The following LDAH variants were observed in gnomAD, a reference collection of about 807,000 sequenced individuals.
LDAH encodes the protein lipid droplet associated hydrolase.
LDAH carries 26 observed loss-of-function variants against 29.6 expected under a neutral mutation model. The observed-to-expected ratio is 0.88, with a 90% CI of 0.64 to 1.22. The LOEUF (loss-of-function observed/expected upper bound fraction) is 1.22. Ranked by LOEUF, LDAH falls within the 50% of genes most tolerant of loss-of-function variation. The probability of loss-of-function intolerance (pLI) is 0.00; values close to 1 mark genes in which losing one functional copy is unlikely to be tolerated. For synonymous variants in LDAH, 117 were observed against 133.0 expected (o/e 0.88, Z 0.83); for missense variants, 344 against 387.3 (o/e 0.89, Z 0.94).
intron 6 of LDAH, among the ~76,000 whole-genome samples, chr2:20,689,663 A>G (rs1230094375): frequency 6.6e-6 from 1 of 152,196 alleles, no homozygotes; most frequent in Non-Finnish European, 1.5e-5. Context: ...GCTACTCCCT[A>G]TATTTACCAC....
At chr2:20,749,537 A>G (rs1441987592) in intron 4 of LDAH, among the ~76,000 whole-genome samples, 1 of 152,202 alleles carries the variant, frequency 6.6e-6, no homozygotes, top group African/African-American at 2.4e-5. Flanking sequence ...AGAGGCATGT[A>G]TAGGGCACAC....
At chr2:20,749,016 A>C (rs576490970) in intron 4 of LDAH, among the ~76,000 whole-genome samples, 2 of 152,274 alleles carry the variant, frequency 1.3e-5, no homozygotes, top group African/African-American at 4.8e-5. Flanking sequence ...CATTCCTTAG[A>C]TCTACTGGTT....
At chr2:20,818,027 C>A (rs1672974553) in intron 1 of LDAH, among the ~76,000 whole-genome samples, 1 of 152,134 alleles carries the variant, frequency 6.6e-6, no homozygotes, top group African/African-American at 2.4e-5. Context: ...TGGAATAATT[C>A]TTTATCTTGA....
At chr2:20,783,981 G>A (rs769162725) in intron 3 of LDAH, among the ~76,000 whole-genome samples, 1 of 152,174 alleles carries the variant, frequency 6.6e-6, no homozygotes, top group Non-Finnish European at 1.5e-5. Flanking sequence ...CCAAAGTGCT[G>A]GAATTACGGG....
At chr2:20,723,880 G>C (rs1665835261) in intron 5 of LDAH, among the ~76,000 whole-genome samples, 1 of 152,056 alleles carries the variant, frequency 6.6e-6, no homozygotes, top group South Asian at 2.1e-4. Context: ...AGAATGATTT[G>C]GAAGAATGTT....
chr2:20,793,468 A>T (rs909355002), intron 2 of LDAH, among the ~76,000 whole-genome samples: 4 of 152,206 alleles, frequency 2.6e-5, no homozygotes, highest in Non-Finnish European at 5.9e-5. Flanking sequence ...GCTCTTGAAG[A>T]AATGGAAGAC....
At chr2:20,689,140 C>T (rs1339626597) in intron 6 of LDAH, among the ~76,000 whole-genome samples, 1 of 152,070 alleles carries the variant, frequency 6.6e-6, no homozygotes, top group African/African-American at 2.4e-5. Flanking sequence ...TTTCCAGCTT[C>T]ATCCATGTCC....
At position 20,753,486 on chromosome 2, in the gene LDAH, C is replaced by T. The variant is rs140968547; in HGVS notation, c.469-13281G>A. ...GTAGCTATCTGGATTTTACAACATACAAAATAAATTCAAGAAGTTGGCTTA... is the reference window on the plus strand; with the variant it reads ...GTAGCTATCTGGATTTTACAACATATAAAATAAATTCAAGAAGTTGGCTTA... On this transcript the variant is annotated intron_variant, in intron 4 of 6. Transcript: ENST00000237822. Among the ~76,000 whole-genome samples the T allele has an allele frequency of 3.7e-3, 564 of 152,286 alleles. 1 individual carries two copies. The highest frequency in any genetic ancestry group is 0.017 in the Middle Eastern group (5 of 294).
At chr2:20,719,503 G>GA (rs1367866882) in intron 5 of LDAH, among the ~76,000 whole-genome samples, 2 of 151,784 alleles carry the variant, frequency 1.3e-5, no homozygotes, top group Non-Finnish European at 2.9e-5. Context: ...CCCATGAAAG[G>GA]AAAGTCCAGG....
chr2:20,746,355 A>G (rs1210579616), intron 4 of LDAH, among the ~76,000 whole-genome samples: 1 of 152,206 alleles, frequency 6.6e-6, no homozygotes. Context: ...AAGCAACCAC[A>G]GGGTTATATT....
chr2:20,738,614 C>T (rs114232075), intron 5 of LDAH, among the ~76,000 whole-genome samples: 3,342 of 152,186 alleles, frequency 0.022, 118 homozygotes, highest in African/African-American at 0.077. Context: ...ACCAAATGGT[C>T]TTTAAGGGAT....
intron 4 of LDAH, among the ~76,000 whole-genome samples, chr2:20,747,900 G>A (rs1232250914): frequency 6.6e-6 from 1 of 152,140 alleles, no homozygotes; most frequent in East Asian, 1.9e-4. Flanking sequence ...CAAAGTGACA[G>A]AGATATGAAT....
chr2:20,794,459 G>A (rs1309320706), intron 2 of LDAH, among the ~76,000 whole-genome samples: 5 of 152,014 alleles, frequency 3.3e-5, no homozygotes, highest in Admixed American at 2.0e-4. Context: ...AAAAACTACA[G>A]ACCACTATAC....
At position 20,713,138 on chromosome 2, in the gene LDAH, A is replaced by G. The variant is rs1407645945; in HGVS notation, c.704-11486T>C. ...GAAAAAATGTTAAGGGCAGCCAGAG[A>G]GAAAGGTCAGCTTACCCACAAAGGG... On this transcript the variant is annotated intron_variant, in intron 5 of 6. Coordinates refer to ENST00000237822, the MANE Select transcript of LDAH (RefSeq NM_021925.4). 3.2e-4 allele frequency among the ~76,000 whole-genome samples: 48 copies of G among 152,228 alleles called. 1 individual carries two copies. Among genetic ancestry groups the G allele is most frequent in the Non-Finnish European group, 2.1e-4 (14 of 68,038 alleles).
intron 2 of LDAH, among the ~76,000 whole-genome samples, chr2:20,798,334 T>C (rs1222226974): frequency 2.0e-5 from 3 of 151,820 alleles, no homozygotes; most frequent in Non-Finnish European, 4.4e-5. Flanking sequence ...GAGCAATGAG[T>C]CCAGACTGGA....
At chr2:20,751,015 G>C (rs757829807) in intron 4 of LDAH, among the ~76,000 whole-genome samples, 5 of 152,174 alleles carry the variant, frequency 3.3e-5, no homozygotes, top group Non-Finnish European at 7.4e-5. Context: ...TTGAGGATGG[G>C]GGGATTGAAA....
At chr2:20,763,866 G>T (rs1206145470) in intron 4 of LDAH, among the ~76,000 whole-genome samples, 1 of 152,140 alleles carries the variant, frequency 6.6e-6, no homozygotes, top group African/African-American at 2.4e-5. Flanking sequence ...CATGCATGAA[G>T]AATGTTCTAT....
At chr2:20,798,848 C>T (rs377609368) in intron 2 of LDAH, among the ~76,000 whole-genome samples, 49 of 152,144 alleles carry the variant, frequency 3.2e-4, no homozygotes, top group East Asian at 2.3e-3. Context: ...CACCACTGCA[C>T]TCCAACCTAA....
chr2:20,740,158 C>G lies in LDAH; in HGVS notation c.516G>C (p.Glu172Asp). The G allele has an allele frequency of 6.2e-7, 1 of 1,614,090 alleles. No homozygotes were observed. Among genetic ancestry groups the G allele is most frequent in the Non-Finnish European group, 8.5e-7 (1 of 1,179,960 alleles). Residue 172 changes from glutamate (E) to aspartate (D), a missense_variant, in exon 5 of 7, where the codon GAG becomes GAC. Physicochemically the swap from Glu to Asp is conservative, Grantham distance 45. Coordinates refer to ENST00000237822, the MANE Select transcript of LDAH (RefSeq NM_021925.4). ...GAGTGGCAATTCTGCCATTGGGTGA[C>G]TCAGACATTCGTTCAATTGTTGGAA... ...LLFPTIERMS[E>D]SPNGRIATPL...
Sources: gnomAD v4.1 joint callset for allele counts (sites outside exome capture counted in the v4.1 genomes callset) on GRCh38, gnomAD v4.1.1 for gene constraint, MANE v1.5 for transcripts, NCBI Gene and HGNC (gene_info 2026-07-23, HGNC 2026-07-21) for gene names.